The following LEO1 variants were observed in gnomAD, a reference collection of about 807,000 sequenced individuals.
LEO1 encodes LEO1 component of Paf1/RNA polymerase II complex.
In LEO1, 34 loss-of-function variants were observed where a neutral mutation model predicts 80.4. That is an observed-to-expected ratio of 0.42 (90% CI 0.32 to 0.56). LEO1 has a LOEUF of 0.56. Among genes scored for constraint, LEO1 ranks in the 20% least tolerant of loss-of-function variants. The pLI is 0.10. For synonymous variants in LEO1, 262 were observed against 274.9 expected (o/e 0.95, Z 0.46); for missense variants, 631 against 814.2 (o/e 0.77, Z 2.74).
intron 6 of LEO1, among the ~76,000 whole-genome samples, chr15:51,957,799 T>G (rs962472517): frequency 6.6e-6 from 1 of 152,120 alleles, no homozygotes; most frequent in African/African-American, 2.4e-5. Context: ...GGTGGGTGGA[T>G]CACCTGAGGT....
chr15:51,946,676 G>A (rs1401177032), intron 11 of LEO1, among the ~76,000 whole-genome samples: 1 of 151,662 alleles, frequency 6.6e-6, no homozygotes, highest in African/African-American at 2.4e-5. Flanking sequence ...TGGTAGCTGA[G>A]ACTACAGGCA....
intron 11 of LEO1, among the ~76,000 whole-genome samples, chr15:51,944,642 T>C (rs1010033443): frequency 1.3e-5 from 2 of 152,204 alleles, no homozygotes; most frequent in Non-Finnish European, 2.9e-5. Context: ...TTAGGCCTAC[T>C]TGTCAGAGAA....
Position 51,966,028 on chromosome 15 carries a change from A to C in LEO1, c.535T>G (p.Ser179Ala). 1 of 1,614,078 alleles carries C rather than the reference A, an allele frequency of 6.2e-7. No individual in the cohort carries two copies. ...TTCTGCATTTTCTCATCATCGTCAG[A>C]ATTCTGCAGCTTATCTTCATCAGAT... ...QGSDEDKLQN[S>A]DDDEKMQNTD... The change falls in exon 2 of 12, where the codon TCT (serine) becomes GCT (alanine). Residue 179 changes from serine (S) to alanine (A), a missense_variant. Ser to Ala is a moderately conservative substitution (Grantham distance 99). Coordinates refer to ENST00000299601, the MANE Select transcript of LEO1 (RefSeq NM_138792.4).
chr15:51,954,306 T>G (rs2056971407), intron 7 of LEO1, among the ~76,000 whole-genome samples, 175 bp downstream of exon 7: 1 of 151,898 alleles, frequency 6.6e-6, no homozygotes, highest in African/African-American at 2.4e-5. Context: ...CACTTAGGAC[T>G]AGGAGTCTGA....
At chr15:51,969,932 C>A (rs2057109711) in intron 1 of LEO1, among the ~76,000 whole-genome samples, 1 of 148,628 alleles carries the variant, frequency 6.7e-6, no homozygotes. Context: ...TTGATAACAT[C>A]AAGGATGGCT....
At chr15:51,944,258 C>T (rs1566879737) in intron 11 of LEO1, among the ~76,000 whole-genome samples, 1 of 152,110 alleles carries the variant, frequency 6.6e-6, no homozygotes, top group Non-Finnish European at 1.5e-5. Context: ...AAAGAGCTGG[C>T]TTCTCATCAG....
chr15:51,953,012 T>C, intron 8 of LEO1, 117 bp downstream of exon 8: 1 of 799,680 alleles, frequency 1.3e-6, no homozygotes, highest in Non-Finnish European at 2.0e-6. Flanking sequence ...CACAAGATCT[T>C]GGTTCTTGCT....
intron 1 of LEO1, among the ~76,000 whole-genome samples, chr15:51,967,229 T>C (rs1453384175): frequency 6.6e-6 from 1 of 152,186 alleles, no homozygotes; most frequent in Non-Finnish European, 1.5e-5. Flanking sequence ...TCCCAGCACT[T>C]TGGGAGGCCA....
At chr15:51,964,547 TA>T (rs567387816) in intron 2 of LEO1, among the ~76,000 whole-genome samples, 1,528 of 140,840 alleles carry the variant, frequency 0.011, 24 homozygotes, top group African/African-American at 0.034. Context: ...CTTAAAGTGT[TA>T]AAAAAAAAAA....
intron 2 of LEO1, among the ~76,000 whole-genome samples, chr15:51,963,731 C>G (rs962038747): frequency 1.3e-5 from 2 of 151,638 alleles, no homozygotes; most frequent in African/African-American, 4.8e-5. Context: ...GGGAAACTTC[C>G]TCTCTACTAC....
At chr15:51,956,395 G>A (rs1488788897) in intron 6 of LEO1, among the ~76,000 whole-genome samples, 1 of 149,608 alleles carries the variant, frequency 6.7e-6, no homozygotes, top group Non-Finnish European at 1.5e-5. Flanking sequence ...ATTCCAGCCT[G>A]GGCGACGACA....
chr15:51,971,655 A>G, intron 1 of LEO1, 33 bp downstream of exon 1: 1 of 1,610,452 alleles, frequency 6.2e-7, no homozygotes, highest in Non-Finnish European at 8.5e-7. Flanking sequence ...AAGGCCTGCC[A>G]CGCACCCATC....
At chr15:51,952,819 C>A (rs566297351) in intron 8 of LEO1, among the ~76,000 whole-genome samples, 22 of 152,334 alleles carry the variant, frequency 1.4e-4, no homozygotes, top group African/African-American at 5.3e-4. Flanking sequence ...AAAGGACACA[C>A]TGGCTAGCAG....
Position 51,966,269 on chromosome 15 carries a change from G to A in LEO1, c.294C>T (p.Asp98=). Residue 98 remains aspartate, a synonymous_variant, in exon 2 of 12, where the codon GAC becomes GAT. Coordinates refer to ENST00000299601, the MANE Select transcript of LEO1 (RefSeq NM_138792.4). ...SEASERSDHE[D]NDPSDVDQHS... ...GCTGATCTACATCTGAGGGGTCATT[G>A]TCCTCATGGTCAGAACGCTCAGAAG... 2 of 1,613,940 alleles carry A rather than the reference G, an allele frequency of 1.2e-6. No individual in the cohort carries two copies. Among genetic ancestry groups the A allele is most frequent in the South Asian group, 2.2e-5 (2 of 91,078 alleles).
At chr15:51,963,767 T>C (rs1233485219) in intron 2 of LEO1, among the ~76,000 whole-genome samples, 1 of 151,832 alleles carries the variant, frequency 6.6e-6, no homozygotes, top group Non-Finnish European at 1.5e-5. Flanking sequence ...CTGGGTTTGG[T>C]GGTGCACACC....
intron 10 of LEO1, among the ~76,000 whole-genome samples, chr15:51,947,801 A>G (rs1017875971): frequency 6.6e-6 from 1 of 152,314 alleles, no homozygotes; most frequent in South Asian, 2.1e-4. Flanking sequence ...TTCCCTCTGT[A>G]TATTTCCTCC....
chr15:51,951,797 A>C, intron 9 of LEO1, 47 bp downstream of exon 9: 1 of 1,562,504 alleles, frequency 6.4e-7, no homozygotes, highest in Non-Finnish European at 8.8e-7. Flanking sequence ...ATACTTGCCT[A>C]ATATACCAAA....
intron 1 of LEO1, among the ~76,000 whole-genome samples, chr15:51,970,901 G>C (rs1288875309): frequency 1.3e-5 from 2 of 152,092 alleles, no homozygotes; most frequent in Non-Finnish European, 2.9e-5. Flanking sequence ...AGGATGGCTT[G>C]AGCCCAGAAG....
intron 1 of LEO1, among the ~76,000 whole-genome samples, chr15:51,968,495 C>T (rs1284319415): frequency 1.3e-5 from 2 of 151,274 alleles, no homozygotes; most frequent in Non-Finnish European, 2.9e-5. Flanking sequence ...GAGCCGAGAT[C>T]GTGCCACTGC....
Sources: gnomAD v4.1 joint callset for allele counts (sites outside exome capture counted in the v4.1 genomes callset) on GRCh38, gnomAD v4.1.1 for gene constraint, MANE v1.5 for transcripts, NCBI Gene and HGNC (gene_info 2026-07-23, HGNC 2026-07-21) for gene names.